The following METTL15 variants were observed in gnomAD, a reference collection of about 807,000 sequenced individuals.
METTL15 encodes the protein 12S rRNA N(4)-cytidine methyltransferase METTL15.
METTL15 carries 34 observed loss-of-function variants against 38.3 expected under a neutral mutation model. The observed-to-expected ratio is 0.89, with a 90% CI of 0.68 to 1.18. METTL15 has a LOEUF of 1.18. METTL15 is among the 50% of genes most tolerant of loss of function. METTL15 has a pLI of 0.00. For missense variants in METTL15, 438 were observed against 498.4 expected (o/e 0.88, Z 1.15); for synonymous variants, 162 against 170.9 (o/e 0.95, Z 0.41).
intron 4 of METTL15, among the ~76,000 whole-genome samples, chr11:28,273,250 T>C (rs909965721): frequency 2.0e-5 from 3 of 152,120 alleles, no homozygotes; most frequent in Non-Finnish European, 4.4e-5. Flanking sequence ...CTCAAAAGCA[T>C]CCATTTGTAT....
At chr11:28,522,442 G>A (rs1263417509) in intron 6 of METTL15, among the ~76,000 whole-genome samples, 4 of 152,160 alleles carry the variant, frequency 2.6e-5, no homozygotes, top group African/African-American at 4.8e-5. Context: ...CTTGCTTGGC[G>A]GAGGTTAGTC....
At chr11:28,518,744 G>A (rs892211206) in intron 6 of METTL15, among the ~76,000 whole-genome samples, 2 of 152,200 alleles carry the variant, frequency 1.3e-5, no homozygotes, top group Non-Finnish European at 2.9e-5. Flanking sequence ...TCCTAAGTTA[G>A]AGGCAACCTT....
chr11:28,457,648 C>A (rs926288064), intron 6 of METTL15, among the ~76,000 whole-genome samples: 1 of 152,262 alleles, frequency 6.6e-6, no homozygotes, highest in Middle Eastern at 3.4e-3. Flanking sequence ...TCTAGATGTC[C>A]TATAGGAATC....
intron 6 of METTL15, among the ~76,000 whole-genome samples, chr11:28,425,716 C>T (rs1029511343): frequency 6.6e-6 from 1 of 152,146 alleles, no homozygotes; most frequent in Non-Finnish European, 1.5e-5. Flanking sequence ...ATGCATTGCA[C>T]TTTAAGCTCC....
At chr11:28,205,397 A>G (rs1255545254) in intron 3 of METTL15, among the ~76,000 whole-genome samples, 4 of 151,744 alleles carry the variant, frequency 2.6e-5, no homozygotes, top group African/African-American at 9.7e-5. Flanking sequence ...GAGAATGATA[A>G]TTTCCAATTT....
rs891757156 is a variant in METTL15 at position 28,359,767 on chromosome 11, G to A, written c.*259-2170G>A. On this transcript the variant is annotated intron_variant and NMD_transcript_variant, in intron 4 of 7. Transcript: ENST00000532947. ...TTTTGCAACTCACCAGAAACATGCC[G>A]AAGTATGTTTTCTGTAAAATAATAA... is the stretch of plus-strand genomic sequence containing the variant. Among the ~76,000 whole-genome samples the A allele has an allele frequency of 3.9e-5, 6 of 152,122 alleles. No individual in the cohort carries two copies. In the East Asian group the frequency reaches 5.8e-4, roughly 15 times the overall value.
chr11:28,391,374 G>A (rs1327332602), intron 5 of METTL15, among the ~76,000 whole-genome samples: 1 of 151,860 alleles, frequency 6.6e-6, no homozygotes, highest in East Asian at 1.9e-4. Context: ...GTTTGTCATA[G>A]ATAGCTCTTA....
intron 3 of METTL15, chr11:28,125,804 T>C (rs1404910571): frequency 6.6e-6 from 1 of 152,098 alleles, no homozygotes; most frequent in Non-Finnish European, 1.5e-5. Context: ...ATCTTATTTT[T>C]CTGAAATGTA....
chr11:28,490,299 G>A (rs756087963), intron 6 of METTL15, among the ~76,000 whole-genome samples: 3 of 152,204 alleles, frequency 2.0e-5, no homozygotes, highest in Non-Finnish European at 4.4e-5. Context: ...ACATTCATCT[G>A]CACCCAATGA....
chr11:28,236,376 G>A (rs1020525263), intron 4 of METTL15, among the ~76,000 whole-genome samples: 2 of 152,142 alleles, frequency 1.3e-5, no homozygotes, highest in African/African-American at 4.8e-5. Flanking sequence ...AGTTTCAGAA[G>A]GAATGGTACC....
At chr11:28,511,199 G>A (rs1025262811) in intron 6 of METTL15, among the ~76,000 whole-genome samples, 149 of 152,258 alleles carry the variant, frequency 9.8e-4, no homozygotes, top group African/African-American at 3.3e-3. Context: ...GACCCCCTGC[G>A]TAGTAGAAAA....
intron 5 of METTL15, among the ~76,000 whole-genome samples, chr11:28,365,204 G>A (rs1294772862): frequency 6.6e-6 from 1 of 152,116 alleles, no homozygotes; most frequent in South Asian, 2.1e-4. Flanking sequence ...GAATGAGTTA[G>A]CGAGAAACCC....
At chr11:28,167,002 C>T (rs1043786549) in intron 3 of METTL15, among the ~76,000 whole-genome samples, 1 of 152,124 alleles carries the variant, frequency 6.6e-6, no homozygotes, top group Admixed American at 6.6e-5. Context: ...TCTATTCTTT[C>T]TATATCCGGC....
chr11:28,393,393 A>G (rs1021433410), intron 5 of METTL15, among the ~76,000 whole-genome samples: 4 of 152,184 alleles, frequency 2.6e-5, no homozygotes, highest in African/African-American at 9.6e-5. Flanking sequence ...AGTGGTTTAA[A>G]GAAATGATAA....
At chr11:28,398,306 G>T (rs1397699886) in intron 5 of METTL15, among the ~76,000 whole-genome samples, 1 of 151,960 alleles carries the variant, frequency 6.6e-6, no homozygotes, top group African/African-American at 2.4e-5. Context: ...ACCATAAAAA[G>T]TTCCTATTTC....
intron 3 of METTL15, among the ~76,000 whole-genome samples, chr11:28,180,665 C>T (rs1423304770): frequency 6.6e-6 from 1 of 151,652 alleles, no homozygotes; most frequent in Non-Finnish European, 1.5e-5. Flanking sequence ...TATGCAATTT[C>T]TTAGTAGTCT....
chr11:28,191,569 A>T (rs988472308), intron 3 of METTL15, among the ~76,000 whole-genome samples: 1 of 151,580 alleles, frequency 6.6e-6, no homozygotes, highest in Non-Finnish European at 1.5e-5. Context: ...CTGTACATGG[A>T]TATAAATCTG....
chr11:28,438,665 CTTTTTTCTTTTTTT>C, intron 6 of METTL15, among the ~76,000 whole-genome samples: 1 of 144,318 alleles, frequency 6.9e-6, no homozygotes, highest in East Asian at 2.1e-4. Context: ...TTTCTTTTTT[CTTTTTTCTTTTTTT>C]TTTTTTTTTT....
chr11:28,135,295 C>T (rs372760790), intron 3 of METTL15, among the ~76,000 whole-genome samples: 43 of 152,204 alleles, frequency 2.8e-4, no homozygotes, highest in African/African-American at 9.9e-4. Context: ...TTCACATAGG[C>T]TTCTAAGTTG....
Sources: gnomAD v4.1 joint callset for allele counts (sites outside exome capture counted in the v4.1 genomes callset) on GRCh38, gnomAD v4.1.1 for gene constraint, MANE v1.5 for transcripts, NCBI Gene and HGNC (gene_info 2026-07-23, HGNC 2026-07-21) for gene names.